The following HEATR5B variants were observed in gnomAD, a reference collection of about 807,000 sequenced individuals.
The protein encoded by HEATR5B is HEAT repeat containing 5B, also known as HEAT repeat-containing protein 5B.
HEATR5B carries 156 observed loss-of-function variants against 224.1 expected under a neutral mutation model. The ratio of observed to expected loss-of-function variants is 0.70; its 90% CI spans 0.61 to 0.80. HEATR5B has a LOEUF of 0.80. Ranked by LOEUF, HEATR5B falls within the 30% of genes least tolerant of loss-of-function variation. HEATR5B has a pLI of 0.00. For missense variants in HEATR5B, 2,323 were observed against 2,535.5 expected, an observed-to-expected ratio of 0.92 and a Z score of 1.80; for synonymous variants, 1,027 against 893.0, an observed-to-expected ratio of 1.15 and a Z score of -2.68.
chr2:37,000,853 G>A (rs770171480), intron 32 of HEATR5B, 40 bp from the exon 33 acceptor site: 2 of 1,304,462 alleles, frequency 1.5e-6, no homozygotes, highest in Non-Finnish European at 2.2e-6. Flanking sequence ...TAACTATTCA[G>A]TTCCCATATT....
chr2:37,036,081 C>A (rs1055130594), intron 21 of HEATR5B, among the ~76,000 whole-genome samples: 16 of 152,170 alleles, frequency 1.1e-4, no homozygotes, highest in Non-Finnish European at 1.8e-4. Flanking sequence ...TAACTTAGAG[C>A]AAATCACTAC....
At chr2:37,007,339 T>TTTTTTTC in intron 28 of HEATR5B, 35 bp from the exon 29 acceptor site, 1 of 442,690 alleles carries the variant, frequency 2.3e-6, no homozygotes. Flanking sequence ...AAACATTACT[T>TTTTTTTC]TTTTTTTTTT....
intron 22 of HEATR5B, 91 bp downstream of exon 22, chr2:37,032,538 G>T (rs2148473697): frequency 2.8e-6 from 3 of 1,064,982 alleles, no homozygotes; most frequent in South Asian, 1.6e-5. Context: ...TGGCCACATT[G>T]CAACAGAAAA....
At position 37,037,145 on chromosome 2, in the gene HEATR5B, G is replaced by GAGATAGATATATATATAT; in HGVS notation, c.3216+709_3216+710insATATATATATATCTATCT. Among the ~76,000 whole-genome samples, 277 of 89,194 alleles carry GAGATAGATATATATATAT rather than the reference G, an allele frequency of 3.1e-3. 23 individuals are homozygous for GAGATAGATATATATATAT. The highest frequency in any genetic ancestry group is 0.01 in the African/African-American group (268 of 26,432). 58.5% of individuals were successfully genotyped at this position (89,194 alleles called of 152,430 possible). A position where few individuals can be genotyped will look rare whatever the true frequency, so the allele number is the denominator to read the frequency against. ...TTCCGAGTAGGAAAACTAAAAATGT[G>GAGATAGATATATATATAT]ATATATATATATATTTTGGAGATGG... is the stretch of plus-strand genomic sequence containing the variant. On this transcript the variant is annotated intron_variant, in intron 21 of 35. Transcript: ENST00000233099.
rs530640399 is a variant in HEATR5B at position 37,076,749 on chromosome 2, C to T, written c.447+162G>A. ...TCAAAGAAAAGCATTCTTTCCCTTCCCCCTGATATACATTAAAAGAAGGGA... is the reference window on the plus strand; with the variant it reads ...TCAAAGAAAAGCATTCTTTCCCTTCTCCCTGATATACATTAAAAGAAGGGA... On this transcript the variant is annotated intron_variant, in intron 4 of 35. Coordinates refer to ENST00000233099, the MANE Select transcript of HEATR5B (RefSeq NM_019024.3). Among the ~76,000 whole-genome samples, 7 of 151,774 alleles carry T rather than the reference C, an allele frequency of 4.6e-5. No individual in the cohort carries two copies. The East Asian group carries it at 7.7e-4, about 17-fold the overall frequency.
chr2:37,037,145 G>GAGATGGAT lies in HEATR5B; in HGVS notation c.3216+709_3216+710insATCCATCT. 1.6e-4 allele frequency among the ~76,000 whole-genome samples: 14 copies of GAGATGGAT among 89,196 alleles called. 3 individuals are homozygous for GAGATGGAT. The South Asian group carries it at 4.8e-3, about 30-fold the overall frequency. 58.5% of individuals were successfully genotyped at this position (89,196 alleles called of 152,430 possible). A position where few individuals can be genotyped will look rare whatever the true frequency, so the allele number is the denominator to read the frequency against. On this transcript the variant is annotated intron_variant, in intron 21 of 35. Transcript: ENST00000233099. ...TTCCGAGTAGGAAAACTAAAAATGT[G>GAGATGGAT]ATATATATATATATTTTGGAGATGG...
chr2:36,999,053 A>G (rs1666912424), intron 33 of HEATR5B, among the ~76,000 whole-genome samples: 1 of 151,964 alleles, frequency 6.6e-6, no homozygotes, highest in South Asian at 2.1e-4. Flanking sequence ...TCTCTACTAA[A>G]AATACAAAAA....
At chr2:36,998,596 A>T (rs1289288489) in intron 33 of HEATR5B, among the ~76,000 whole-genome samples, 1 of 152,208 alleles carries the variant, frequency 6.6e-6, no homozygotes, top group Admixed American at 6.5e-5. Context: ...TGTTAATTGC[A>T]GCAATCTTTT....
chr2:36,998,673 CAT>C (rs1666884690), intron 33 of HEATR5B, among the ~76,000 whole-genome samples: 2 of 152,054 alleles, frequency 1.3e-5, no homozygotes, highest in Non-Finnish European at 2.9e-5. Context: ...TTGATAAAAA[CAT>C]ATGACAGAAA....
chr2:37,059,353 A>C (rs1321142810), intron 12 of HEATR5B, among the ~76,000 whole-genome samples: 3 of 146,046 alleles, frequency 2.1e-5, no homozygotes, highest in Non-Finnish European at 4.5e-5. Flanking sequence ...ATTTACATGA[A>C]ATTTTTACAT....
chr2:37,051,354 CAAAAAA>C (rs11313174), intron 17 of HEATR5B, among the ~76,000 whole-genome samples: 1 of 66,042 alleles, frequency 1.5e-5, no homozygotes, highest in Non-Finnish European at 2.8e-5. Context: ...AACTCCATCT[CAAAAAA>C]AAAAAAAAAA....
chr2:37,076,353 A>T (rs938221076), intron 4 of HEATR5B, among the ~76,000 whole-genome samples: 2 of 152,252 alleles, frequency 1.3e-5, no homozygotes, highest in Non-Finnish European at 2.9e-5. Flanking sequence ...GAAATAATTT[A>T]GACACAAAAC....
chr2:37,062,087 C>A (rs1671316338), intron 10 of HEATR5B, 37 bp from the exon 11 acceptor site: 1 of 1,215,768 alleles, frequency 8.2e-7, no homozygotes, highest in African/African-American at 1.5e-5. Flanking sequence ...TTAATTCAAA[C>A]AAGTTAAATT....
intron 17 of HEATR5B, among the ~76,000 whole-genome samples, chr2:37,051,844 A>T (rs975745577): frequency 1.3e-5 from 2 of 151,526 alleles, no homozygotes; most frequent in African/African-American, 2.4e-5. Flanking sequence ...GGTTCAAGTG[A>T]TTCTCCTGCC....
At chr2:36,992,048 A>C (rs1483272758) in intron 33 of HEATR5B, among the ~76,000 whole-genome samples, 1 of 152,094 alleles carries the variant, frequency 6.6e-6, no homozygotes, top group African/African-American at 2.4e-5. Flanking sequence ...AAATACAAAA[A>C]TTAGCTGGGC....
chr2:36,989,671 C>CT (rs1666188358), intron 34 of HEATR5B, among the ~76,000 whole-genome samples: 1 of 151,870 alleles, frequency 6.6e-6, no homozygotes, highest in East Asian at 1.9e-4. Flanking sequence ...CAGATTAACA[C>CT]TTTTTTAAAA....
chr2:37,049,884 AATTC>A, intron 17 of HEATR5B, 41 bp from the exon 18 acceptor site: 1 of 1,444,710 alleles, frequency 6.9e-7, no homozygotes. Flanking sequence ...AGCAATTCAT[AATTC>A]ATTATTATTA....
At chr2:37,042,349 G>GT (rs1236389935) in intron 18 of HEATR5B, among the ~76,000 whole-genome samples, 1 of 152,102 alleles carries the variant, frequency 6.6e-6, no homozygotes, top group Non-Finnish European at 1.5e-5. Context: ...AAATAAACTC[G>GT]TACTAACTTG....
intron 14 of HEATR5B, among the ~76,000 whole-genome samples, chr2:37,058,227 C>G (rs1036574082): frequency 2.0e-5 from 3 of 151,972 alleles, no homozygotes; most frequent in African/African-American, 7.3e-5. Flanking sequence ...GGCTAAAGGC[C>G]TCATAAGTTG....
Sources: gnomAD v4.1 joint callset for allele counts (sites outside exome capture counted in the v4.1 genomes callset) on GRCh38, gnomAD v4.1.1 for gene constraint, MANE v1.5 for transcripts, NCBI Gene and HGNC (gene_info 2026-07-23, HGNC 2026-07-21) for gene names.